The following PBK variants were observed in gnomAD, a reference collection of about 807,000 sequenced individuals.
PBK encodes PDZ binding kinase.
A neutral mutation model predicts 33.5 loss-of-function variants in PBK; 22 were observed. The observed-to-expected ratio is 0.66, with a 90% CI of 0.47 to 0.94. The LOEUF is 0.94. Ranked by LOEUF, PBK falls within the 40% of genes least tolerant of loss-of-function variation. PBK has a pLI of 0.00. For synonymous variants in PBK, 129 were observed against 123.8 expected (o/e 1.04, Z -0.28); for missense variants, 376 against 383.4 (o/e 0.98, Z 0.16).
Position 27,810,946 on chromosome 8 carries a change from T to C in PBK, c.772+12A>G, listed in dbSNP as rs1805666455. The C allele has an allele frequency of 1.4e-6, 2 of 1,470,622 alleles. No homozygotes were observed. Among genetic ancestry groups the C allele is most frequent in the South Asian group, 1.1e-5 (1 of 87,982 alleles). 91.1% of individuals were successfully genotyped at this position (1,470,622 alleles called of 1,614,324 possible). ...AAGAGATTGGGATTTATGTTAGAAA[T>C]TGTATTCATACCTTCATCATCATCA... is the stretch of plus-strand genomic sequence containing the variant. On this transcript the variant is annotated intron_variant, in intron 7 of 7. Transcript: ENST00000301905.
At chr8:27,811,206 A>G (rs945285847) in intron 6 of PBK, 72 bp from the exon 7 acceptor site, 7 of 1,372,274 alleles carry the variant, frequency 5.1e-6, no homozygotes, top group Non-Finnish European at 7.2e-6. Flanking sequence ...AAAGGGAAAC[A>G]GGCGAACGAT....
Position 27,821,869 on chromosome 8 carries a change from G to A in PBK, c.465+450C>T, listed in dbSNP as rs552532948. Among the ~76,000 whole-genome samples the A allele has an allele frequency of 2.6e-5, 4 of 151,472 alleles. No homozygotes were observed. In the East Asian group the frequency reaches 7.7e-4, roughly 29 times the overall value. ...AACATATACGACGGTGGTCCCATAA[G>A]ATTATAATATCATATTTTGATTTTA... On this transcript the variant is annotated intron_variant, in intron 5 of 7. Transcript: ENST00000301905.
intron 4 of PBK, 92 bp from the exon 5 acceptor site, chr8:27,822,580 G>C: frequency 1.3e-6 from 1 of 742,850 alleles, no homozygotes. Flanking sequence ...TATGGATCTG[G>C]ACTAACGCTG....
chr8:27,811,306 T>C lies in PBK; in HGVS notation c.596-172A>G, dbSNP rs536690334. ...TAAGGATTACTTTCTACCTTTCAGG[T>C]TGGTAAATATTCAAGAAGCTGGTCA... On this transcript the variant is annotated intron_variant, in intron 6 of 7. Transcript: ENST00000301905. 4.2e-5 allele frequency: 26 copies of C among 622,270 alleles called. No homozygotes were observed. In the Middle Eastern group the frequency reaches 1.5e-3, roughly 36 times the overall value. The allele number at this position is 622,270 out of a possible 1,614,324, so 38.5% of individuals were successfully genotyped here.
chr8:27,823,106 A>G lies in PBK; in HGVS notation c.252T>C (p.Asp84=), dbSNP rs761280907. Residue 84 remains aspartate, a synonymous_variant, in exon 4 of 8, where the codon GAT becomes GAC. Transcript: ENST00000301905. The part of the protein sequence containing the change: ...YRSVYQKRLM[D]EAKILKSLHH... The stretch of plus-strand genomic sequence containing the variant: ...GAAGGCTTTTCAAAATCTTAGCTTC[A>G]TCCATTAGTCTCTTTTGATACACAC... The G allele has an allele frequency of 1.3e-6, 2 of 1,594,762 alleles. No homozygotes were observed. The highest frequency in any genetic ancestry group is 4.5e-5 in the East Asian group (2 of 44,590).
In PBK at chr8:27,822,505, C is replaced by CATT. The variant is rs750474138; in HGVS notation, c.296-20_296-18dup. On this transcript the variant is annotated splice_polypyrimidine_tract_variant and intron_variant, in intron 4 of 7. Coordinates refer to ENST00000301905, the MANE Select transcript of PBK (RefSeq NM_018492.4). ...CACGATAACCTTAAAGAAAACATGA[C>CATT]ATTTCTTCACTAATATAGAGAAGAA... 9 of 1,539,764 alleles carry CATT rather than the reference C, an allele frequency of 5.8e-6. No homozygotes were observed. Among genetic ancestry groups the CATT allele is most frequent in the Non-Finnish European group, 6.2e-6 (7 of 1,128,770 alleles).
In PBK at chr8:27,811,035, G is replaced by A; in HGVS notation, c.695C>T (p.Ala232Val). The change falls in exon 7 of 8, where the codon GCC becomes GTC. Residue 232 changes from alanine (A) to valine (V), a missense_variant. Coordinates refer to ENST00000301905, the MANE Select transcript of PBK (RefSeq NM_018492.4). ...CATTTCCCACAAAGTAAGGCCAAAG[G>A]CAAATATGTCTGCCTTGTCAGTAAT... ...GVITDKADIF[A>V]FGLTLWEMMT... The A allele has an allele frequency of 6.2e-7, 1 of 1,612,788 alleles. No individual in the cohort carries two copies. Among genetic ancestry groups the A allele is most frequent in the Non-Finnish European group, 8.5e-7 (1 of 1,178,814 alleles).
At position 27,822,318 on chromosome 8, in the gene PBK, C is replaced by T; in HGVS notation, c.465+1G>A. 9.4e-6 allele frequency: 15 copies of T among 1,593,874 alleles called. No individual in the cohort carries two copies. The highest frequency in any genetic ancestry group is 1.3e-5 in the Non-Finnish European group (15 of 1,165,596). On this transcript the variant is annotated splice_donor_variant, in intron 5 of 7. Coordinates refer to ENST00000301905, the MANE Select transcript of PBK (RefSeq NM_018492.4). LOFTEE classifies it high-confidence loss of function. ...CATTTAAAATATAATGACATAGTTA[C>T]CTTTAACCCTCTTGCCATATTCAAA...
In PBK at chr8:27,811,071, T is replaced by C. The variant is rs765740749; in HGVS notation, c.659A>G (p.Glu220Gly). The C allele has an allele frequency of 6.2e-7, 1 of 1,613,140 alleles. No individual in the cohort carries two copies. Among genetic ancestry groups the C allele is most frequent in the Non-Finnish European group, 8.5e-7 (1 of 1,179,118 alleles). The change falls in exon 7 of 8, where the codon GAG becomes GGG. Residue 220 changes from glutamate (E) to glycine (G), a missense_variant. Physicochemically the swap from Glu to Gly is moderately conservative, Grantham distance 98. Coordinates refer to ENST00000301905, the MANE Select transcript of PBK (RefSeq NM_018492.4). ...EPWKPKEAVE[E>G]NGVITDKADI... ...TGCCTTGTCAGTAATAACACCATTCTCCTCCACAGCTTCTTTGGGTTTCCA... is the reference window on the plus strand; with the variant it reads ...TGCCTTGTCAGTAATAACACCATTCCCCTCCACAGCTTCTTTGGGTTTCCA...
In PBK at chr8:27,827,249, T is replaced by A. The variant is rs138660294; in HGVS notation, c.152+856A>T. Reference sequence around the variant, plus strand: ...ATGAAACTAGGTACAGAGTAATGATTAAAAGAAGTAATTTTGGGCTGGGCA... The same window carrying A: ...ATGAAACTAGGTACAGAGTAATGATAAAAAGAAGTAATTTTGGGCTGGGCA... On this transcript the variant is annotated intron_variant, in intron 3 of 7. Transcript: ENST00000301905. Among the ~76,000 whole-genome samples the A allele has an allele frequency of 3.0e-3, 450 of 152,336 alleles. 8 individuals are homozygous for A. Among genetic ancestry groups the A allele is most frequent in the African/African-American group, 0.01 (427 of 41,582 alleles).
chr8:27,818,210 G>A (rs17057929), intron 6 of PBK, among the ~76,000 whole-genome samples: 23,941 of 152,146 alleles, frequency 0.16, 2,391 homozygotes, highest in East Asian at 0.37. Flanking sequence ...TTTGAGGTCT[G>A]TGTTACCACA....
At chr8:27,829,080 C>A (rs1235436054) in intron 2 of PBK, among the ~76,000 whole-genome samples, 1 of 128,016 alleles carries the variant, frequency 7.8e-6, no homozygotes, top group Non-Finnish European at 1.6e-5. Flanking sequence ...GACTAGGCGG[C>A]TAGAATTTGT....
At chr8:27,829,141 G>GT (rs1269111749) in intron 2 of PBK, among the ~76,000 whole-genome samples, 1 of 152,172 alleles carries the variant, frequency 6.6e-6, no homozygotes. Context: ...GATCTGAACA[G>GT]TTTCTCTTTG....
At chr8:27,823,333 T>G (rs193038769) in intron 3 of PBK, 128 bp from the exon 4 acceptor site, 253 of 605,344 alleles carry the variant, frequency 4.2e-4, no homozygotes, top group Non-Finnish European at 6.7e-4. Context: ...TAAAATAGTT[T>G]GGACTATGAA....
At chr8:27,818,713 C>T (rs189896812) in intron 6 of PBK, among the ~76,000 whole-genome samples, 5 of 152,180 alleles carry the variant, frequency 3.3e-5, no homozygotes, top group African/African-American at 1.2e-4. Context: ...CTCCCTGCCC[C>T]TCTCCAACCC....
In PBK at chr8:27,811,151, G is replaced by A. The variant is rs756504082; in HGVS notation, c.596-17C>T. Reference sequence around the variant, plus strand: ...GGTCAGTCACTGAAACAAGCAAGATGGTTATGAAGGCAGGAGCTACAAATC... The same window carrying A: ...GGTCAGTCACTGAAACAAGCAAGATAGTTATGAAGGCAGGAGCTACAAATC... On this transcript the variant is annotated splice_polypyrimidine_tract_variant and intron_variant, in intron 6 of 7. Transcript: ENST00000301905. 7 of 1,612,542 alleles carry A rather than the reference G, an allele frequency of 4.3e-6. No individual in the cohort carries two copies. In the African/African-American group the frequency reaches 9.3e-5, roughly 22 times the overall value.
chr8:27,812,737 C>T (rs950749359), intron 6 of PBK: 3 of 152,048 alleles, frequency 2.0e-5, no homozygotes, highest in Non-Finnish European at 4.4e-5. Flanking sequence ...CATCACTGGT[C>T]ATCAAAGAAA....
chr8:27,826,041 C>T (rs774796055), intron 3 of PBK, among the ~76,000 whole-genome samples: 2 of 152,070 alleles, frequency 1.3e-5, no homozygotes, highest in South Asian at 2.1e-4. Context: ...AGAATGCTAC[C>T]GACATACAGA....
At position 27,820,673 on chromosome 8, in the gene PBK, G is replaced by C. The variant is rs1805907014; in HGVS notation, c.487C>G (p.Leu163Val). The C allele has an allele frequency of 6.4e-7, 1 of 1,559,936 alleles. No individual in the cohort carries two copies. The highest frequency in any genetic ancestry group is 8.8e-7 in the Non-Finnish European group (1 of 1,141,542). ...GLKYLHQEKK[L>V]LHGDIKSSNV... ...GAAGACTTTATGTCTCCATGAAGCA[G>C]TTTCTTTTCTTGGTGCAGATACTAA... The change falls in exon 6 of 8, where the codon CTG (leucine) becomes GTG (valine). Residue 163 changes from leucine to valine, a missense_variant. Transcript: ENST00000301905.
Sources: gnomAD v4.1 joint callset for allele counts (sites outside exome capture counted in the v4.1 genomes callset) on GRCh38, gnomAD v4.1.1 for gene constraint, MANE v1.5 for transcripts, NCBI Gene and HGNC (gene_info 2026-07-23, HGNC 2026-07-21) for gene names.